ALDH16A1: variants seen among roughly 807,000 people sequenced by gnomAD.
The protein encoded by ALDH16A1 is aldehyde dehydrogenase 16 family member A1.
A neutral mutation model predicts 96.1 loss-of-function variants in ALDH16A1; 88 were observed. The ratio of observed to expected loss-of-function variants is 0.92; its 90% CI spans 0.77 to 1.09. The LOEUF is 1.09. ALDH16A1 is among the 50% of genes least tolerant of loss of function. The probability of loss-of-function intolerance (pLI) is 0.00; values close to 1 mark genes in which losing one functional copy is unlikely to be tolerated. For missense variants in ALDH16A1, 1,250 were observed against 1,112.6 expected (o/e 1.12, Z -1.76); for synonymous variants, 522 against 496.4 (o/e 1.05, Z -0.69).
In ALDH16A1 at chr19:49,461,775, A is replaced by C; in HGVS notation, c.734A>C (p.Lys245Thr). Reference protein sequence around the residue: ...PILASQPGIRKVAFCGAPEEG... With the variant: ...PILASQPGIRTVAFCGAPEEG... ...CTGGCCTCCCAGCCTGGAATCCGGA[A>C]GGTGGCCTTCTGCGGAGCCCCGGAG... The change falls in exon 6 of 17, where the codon AAG becomes ACG. Residue 245 changes from lysine (K) to threonine (T), a missense_variant. Transcript: ENST00000293350. 1 of 1,611,316 alleles carries C rather than the reference A, an allele frequency of 6.2e-7. No individual in the cohort carries two copies. Among genetic ancestry groups the C allele is most frequent in the Non-Finnish European group, 8.5e-7 (1 of 1,178,894 alleles).
At chr19:49,470,129 G>A in intron 16 of ALDH16A1, 177 bp from the exon 17 acceptor site, 1 of 699,620 alleles carries the variant, frequency 1.4e-6, no homozygotes. Context: ...CTAACCACTG[G>A]GTCCAGTGCT....
chr19:49,458,158 G>T (rs948039284), intron 1 of ALDH16A1, among the ~76,000 whole-genome samples: 4 of 151,932 alleles, frequency 2.6e-5, no homozygotes, highest in African/African-American at 9.7e-5. Flanking sequence ...GGCGGAGCTT[G>T]CAGTGAGCTG....
chr19:49,462,441 T>G, intron 7 of ALDH16A1, 129 bp from the exon 8 acceptor site: 1 of 1,210,066 alleles, frequency 8.3e-7, no homozygotes, highest in Non-Finnish European at 1.2e-6. Flanking sequence ...GGCCTCTCTG[T>G]TCTTTAGGAC....
chr19:49,462,824 A>G (rs10406480), intron 8 of ALDH16A1, 69 bp downstream of exon 8: 912,011 of 1,244,350 alleles, frequency 0.73, 339,719 homozygotes, highest in African/African-American at 0.87. Flanking sequence ...TCCTGGGTCC[A>G]AGGGAGGAGG....
In ALDH16A1 at chr19:49,462,760, G is replaced by A; in HGVS notation, c.1098+5G>A. Reference sequence around the variant, plus strand: ...GCCCAGAGCCAGGGTGCACAGGTGAGGCAGGGGGTAGAGACTTGAGGGTGT... The same window carrying A: ...GCCCAGAGCCAGGGTGCACAGGTGAAGCAGGGGGTAGAGACTTGAGGGTGT... On this transcript the variant is annotated splice_donor_5th_base_variant and intron_variant, in intron 8 of 16. Coordinates refer to ENST00000293350, the MANE Select transcript of ALDH16A1 (RefSeq NM_153329.4). The A allele has an allele frequency of 6.4e-7, 1 of 1,569,486 alleles. No individual in the cohort carries two copies. Among genetic ancestry groups the A allele is most frequent in the Non-Finnish European group, 8.6e-7 (1 of 1,159,660 alleles).
At chr19:49,463,064 T>C (rs111310968) in intron 8 of ALDH16A1, among the ~76,000 whole-genome samples, 5 of 50,740 alleles carry the variant, frequency 9.9e-5, no homozygotes, top group African/African-American at 3.0e-4. Context: ...GGGGCCCGGA[T>C]TCCTGGGTCT....
chr19:49,461,737 C>A lies in ALDH16A1; in HGVS notation c.696C>A (p.Ser232=). 2 of 1,610,242 alleles carry A rather than the reference C, an allele frequency of 1.2e-6. No individual in the cohort carries two copies. The highest frequency in any genetic ancestry group is 8.5e-7 in the Non-Finnish European group (1 of 1,178,370). The change falls in exon 6 of 17, where the codon TCC becomes TCA. Residue 232 remains serine, a synonymous_variant. Transcript: ENST00000293350. ...TGAATGTCCTCAGTGGCCCTGCGTC[C>A]CTGGTGCCCATCCTGGCCTCCCAGC... is the stretch of plus-strand genomic sequence containing the variant. ...GILNVLSGPA[S]LVPILASQPG...
rs537259358 is a variant in ALDH16A1 at position 49,470,220 on chromosome 19, G to A, written c.2248-86G>A. 4.0e-5 allele frequency: 61 copies of A among 1,517,546 alleles called. No homozygotes were observed. The African/African-American group carries it at 4.7e-4, about 12-fold the overall frequency. The allele number at this position is 1,517,546 out of a possible 1,614,324, so 94.0% of individuals were successfully genotyped here. Reference sequence around the variant, plus strand: ...GCCTGGGTCCAGCCTGAAGCCCCTCGTCAGTAACAGTCTTCATCGCGGAGG... The same window carrying A: ...GCCTGGGTCCAGCCTGAAGCCCCTCATCAGTAACAGTCTTCATCGCGGAGG... On this transcript the variant is annotated intron_variant, in intron 16 of 16. Coordinates refer to ENST00000293350, the MANE Select transcript of ALDH16A1 (RefSeq NM_153329.4).
chr19:49,461,847 AG>A, intron 6 of ALDH16A1, 36 bp from the exon 7 acceptor site: 2 of 1,598,832 alleles, frequency 1.3e-6, no homozygotes, highest in Non-Finnish European at 1.7e-6. Context: ...GGGGGCCGCA[AG>A]GCTCCTCCTG....
chr19:49,464,560 G>A lies in ALDH16A1; in HGVS notation c.1437+38G>A, dbSNP rs200335556. 2.0e-4 allele frequency: 322 copies of A among 1,604,180 alleles called. No individual in the cohort carries two copies. The African/African-American group carries it at 2.9e-3, about 14-fold the overall frequency. ...CCTCCCCGTCACCAGCCCCCCCGCC[G>A]CCCCATGCCCTTGACACTCGCATCC... On this transcript the variant is annotated intron_variant, in intron 11 of 16. Transcript: ENST00000293350.
chr19:49,461,676 A>C lies in ALDH16A1; in HGVS notation c.635A>C (p.Gln212Pro). The change falls in exon 6 of 17, where the codon CAG becomes CCG. Residue 212 changes from glutamine (Q) to proline (P), a missense_variant. Transcript: ENST00000293350. ...PASPAPLLLA[Q>P]LAGELGPFPG... ...TCCCCGGCGCCCCTCCTCCTGGCCC[A>C]GCTGGCGGGGGAGCTGGGCCCCTTC... 2 of 1,607,650 alleles carry C rather than the reference A, an allele frequency of 1.2e-6. No individual in the cohort carries two copies. The highest frequency in any genetic ancestry group is 2.2e-5 in the South Asian group (2 of 90,268).
chr19:49,466,864 AAAAAAAC>A (rs201472581), intron 14 of ALDH16A1, among the ~76,000 whole-genome samples: 4,497 of 151,774 alleles, frequency 0.03, 232 homozygotes, highest in African/African-American at 0.1. Context: ...TGTGTCACAA[AAAAAAAC>A]AAAAAACAAA....
intron 16 of ALDH16A1, 50 bp downstream of exon 16, chr19:49,469,036 GCTC>G: frequency 6.4e-7 from 1 of 1,569,290 alleles, no homozygotes. Flanking sequence ...CTTCAAACAG[GCTC>G]CTCCTTTTCT....
rs1158130304 is a variant in ALDH16A1 at position 49,453,248 on chromosome 19, C to T, written c.-84C>T. 7 of 1,285,406 alleles carry T rather than the reference C, an allele frequency of 5.4e-6. No individual in the cohort carries two copies. The East Asian group carries it at 1.0e-4, about 19-fold the overall frequency. The allele number at this position is 1,285,406 out of a possible 1,614,324, so 79.6% of individuals were successfully genotyped here. A position where few individuals can be genotyped will look rare whatever the true frequency, so the allele number is the denominator to read the frequency against. On this transcript the variant is annotated 5_prime_UTR_variant, in exon 1 of 17. Coordinates refer to ENST00000293350, the MANE Select transcript of ALDH16A1 (RefSeq NM_153329.4). ...TTAGCCCCGCCCCTTTGGGCTGGAA[C>T]CGGAGGTGTCGCTCTTCGGACCTCA...
intron 14 of ALDH16A1, among the ~76,000 whole-genome samples, chr19:49,466,548 A>G (rs946983968): frequency 6.6e-6 from 1 of 152,148 alleles, no homozygotes; most frequent in African/African-American, 2.4e-5. Context: ...GTGGGCTGTT[A>G]GGCGGTTCTC....
At chr19:49,465,955 G>A (rs1389521505) in intron 13 of ALDH16A1, 50 bp downstream of exon 13, 12 of 1,583,588 alleles carry the variant, frequency 7.6e-6, no homozygotes, top group African/African-American at 5.4e-5. Context: ...GCAGAGAGGG[G>A]AGCCTGCCCA....
chr19:49,470,840 G>A lies in ALDH16A1; in HGVS notation c.*373G>A, dbSNP rs1601049086. 1 of 170,884 alleles carries A rather than the reference G, an allele frequency of 5.9e-6. No individual in the cohort carries two copies. Among genetic ancestry groups the A allele is most frequent in the East Asian group, 1.6e-4 (1 of 6,310 alleles). 10.6% of individuals were successfully genotyped at this position (170,884 alleles called of 1,614,324 possible). A position where few individuals can be genotyped will look rare whatever the true frequency, so the allele number is the denominator to read the frequency against. ...GAGGCCATTTTAGTTCTGAGGTTGA[G>A]CAGCTCAGGAGCCGGCTCCAGCACG... On this transcript the variant is annotated 3_prime_UTR_variant, in exon 17 of 17. Transcript: ENST00000293350.
At chr19:49,466,444 A>G (rs190171287) in intron 14 of ALDH16A1, among the ~76,000 whole-genome samples, 161 bp downstream of exon 14, 1 of 152,288 alleles carries the variant, frequency 6.6e-6, no homozygotes, top group African/African-American at 2.4e-5. Flanking sequence ...CAGTTCCCTC[A>G]TCTGTACAGT....
chr19:49,454,742 G>T (rs1414669790), intron 1 of ALDH16A1, among the ~76,000 whole-genome samples: 1 of 152,226 alleles, frequency 6.6e-6, no homozygotes, highest in Admixed American at 6.5e-5. Flanking sequence ...TAGAACTTGG[G>T]GAGGCCAAGA....
Sources: gnomAD v4.1 joint callset for allele counts (sites outside exome capture counted in the v4.1 genomes callset) on GRCh38, gnomAD v4.1.1 for gene constraint, MANE v1.5 for transcripts, NCBI Gene and HGNC (gene_info 2026-07-23, HGNC 2026-07-21) for gene names.